The following MARCHF11 variants were observed in gnomAD, a reference collection of about 807,000 sequenced individuals.
MARCHF11 encodes membrane associated ring-CH-type finger 11, also known as E3 ubiquitin-protein ligase MARCHF11.
MARCHF11 carries 29 observed loss-of-function variants against 37.3 expected under a neutral mutation model. The ratio of observed to expected loss-of-function variants is 0.78; its 90% confidence interval spans 0.58 to 1.06. The LOEUF is 1.06. MARCHF11 is among the 50% of genes least tolerant of loss of function. The pLI is 0.00. For missense variants in MARCHF11, 482 were observed against 533.4 expected (o/e 0.90, Z 0.95); for synonymous variants, 233 against 228.0 (o/e 1.02, Z -0.20).
intron 2 of MARCHF11, among the ~76,000 whole-genome samples, chr5:16,101,086 A>G (rs1288298331): frequency 1.3e-5 from 2 of 151,956 alleles, no homozygotes; most frequent in Non-Finnish European, 1.5e-5. Flanking sequence ...AAAAAAAAAG[A>G]ATATTTATTC....
intron 2 of MARCHF11, among the ~76,000 whole-genome samples, chr5:16,101,354 C>A (rs553602126): frequency 1.4e-4 from 21 of 152,106 alleles, no homozygotes; most frequent in Non-Finnish European, 2.8e-4. Context: ...CCAGCCTGGG[C>A]AACAGAGCGA....
At chr5:16,134,998 T>TCTCACACACACACA (rs137865822) in intron 2 of MARCHF11, among the ~76,000 whole-genome samples, 27 of 143,804 alleles carry the variant, frequency 1.9e-4, no homozygotes, top group African/African-American at 6.9e-4. Flanking sequence ...TCTCTCTCTC[T>TCTCACACACACACA]CACACACACA....
chr5:16,090,751 C>A, intron 3 of MARCHF11, 138 bp downstream of exon 3: 1 of 603,528 alleles, frequency 1.7e-6, no homozygotes, highest in Non-Finnish European at 2.5e-6. Flanking sequence ...CCAATTGTGA[C>A]CCGCAGCTAA....
intron 2 of MARCHF11, among the ~76,000 whole-genome samples, chr5:16,121,379 A>G (rs1233798234): frequency 6.6e-6 from 1 of 152,198 alleles, no homozygotes; most frequent in East Asian, 1.9e-4. Context: ...CTTTCGTTTT[A>G]TTCATCCCTA....
chr5:16,138,137 C>A (rs1280559623), intron 2 of MARCHF11, among the ~76,000 whole-genome samples: 1 of 152,168 alleles, frequency 6.6e-6, no homozygotes, highest in Non-Finnish European at 1.5e-5. Context: ...GGGAAAATGT[C>A]TCCAGGGCAT....
At chr5:16,078,527 G>C (rs1336489343) in intron 3 of MARCHF11, among the ~76,000 whole-genome samples, 1 of 152,056 alleles carries the variant, frequency 6.6e-6, no homozygotes, top group African/African-American at 2.4e-5. Flanking sequence ...TGGTGCCCAC[G>C]GTTCCACATC....
At chr5:16,073,640 C>G (rs1736471631) in intron 3 of MARCHF11, among the ~76,000 whole-genome samples, 1 of 150,176 alleles carries the variant, frequency 6.7e-6, no homozygotes, top group Admixed American at 6.6e-5. Flanking sequence ...AATATATTTG[C>G]AAAATATGCA....
At chr5:16,154,188 G>GT (rs1737931481) in intron 2 of MARCHF11, among the ~76,000 whole-genome samples, 1 of 151,926 alleles carries the variant, frequency 6.6e-6, no homozygotes, top group African/African-American at 2.4e-5. Context: ...GGAGAGTGAT[G>GT]CCAGGGGTTT....
chr5:16,139,395 A>C (rs1405678699), intron 2 of MARCHF11, among the ~76,000 whole-genome samples: 1 of 152,190 alleles, frequency 6.6e-6, no homozygotes, highest in African/African-American at 2.4e-5. Flanking sequence ...AGTCATGTGA[A>C]ACTGTAAGTC....
chr5:16,069,976 C>T (rs1423199487), intron 3 of MARCHF11, among the ~76,000 whole-genome samples: 3 of 152,064 alleles, frequency 2.0e-5, no homozygotes, highest in Admixed American at 6.6e-5. Context: ...ATATAGGCTA[C>T]AAAAAATGCA....
intron 2 of MARCHF11, among the ~76,000 whole-genome samples, chr5:16,171,451 C>T (rs1391324107): frequency 6.6e-6 from 1 of 151,928 alleles, no homozygotes; most frequent in Non-Finnish European, 1.5e-5. Flanking sequence ...CTGAGTGAAC[C>T]CAGCTCGCTA....
intron 2 of MARCHF11, among the ~76,000 whole-genome samples, chr5:16,172,114 G>A (rs1738277229): frequency 6.6e-6 from 1 of 152,140 alleles, no homozygotes; most frequent in African/African-American, 2.4e-5. Flanking sequence ...CAGTGTTTCA[G>A]AACCATCTGG....
chr5:16,139,784 C>T (rs1256013008), intron 2 of MARCHF11, among the ~76,000 whole-genome samples: 2 of 151,908 alleles, frequency 1.3e-5, no homozygotes, highest in African/African-American at 4.8e-5. Context: ...TCTTTCCTGA[C>T]AAAGAATGAT....
chr5:16,169,199 A>G (rs1202956217), intron 2 of MARCHF11, among the ~76,000 whole-genome samples: 1 of 152,046 alleles, frequency 6.6e-6, no homozygotes, highest in Non-Finnish European at 1.5e-5. Flanking sequence ...CAATCACAAG[A>G]CCATATCAAA....
At chr5:16,069,905 G>C (rs1453341589) in intron 3 of MARCHF11, among the ~76,000 whole-genome samples, 3 of 152,088 alleles carry the variant, frequency 2.0e-5, no homozygotes, top group African/African-American at 7.2e-5. Flanking sequence ...CTTAAGTTTT[G>C]CATTGGTCCC....
chr5:16,166,956 GTACAACGATGTTCATTTACTTATGAACA>G (rs36218722), intron 2 of MARCHF11, among the ~76,000 whole-genome samples: 131,033 of 142,824 alleles, frequency 0.92, 61,043 homozygotes, highest in East Asian at 1. Context: ...TGTGAGGAAC[GTACAACGATGTTCATTTACTTATGAACA>G]TACAACGATG....
intron 2 of MARCHF11, among the ~76,000 whole-genome samples, chr5:16,126,202 G>T (rs899681058): frequency 7.9e-5 from 12 of 152,198 alleles, no homozygotes; most frequent in African/African-American, 2.6e-4. Flanking sequence ...AACTACAAAT[G>T]GTTTTAAGCT....
At chr5:16,085,949 A>G (rs1231678535) in intron 3 of MARCHF11, among the ~76,000 whole-genome samples, 1 of 57,522 alleles carries the variant, frequency 1.7e-5, no homozygotes, top group Non-Finnish European at 3.1e-5. Context: ...CAAAAAAAAA[A>G]AAAAAAAAAA....
At chr5:16,169,117 T>C (rs1290883662) in intron 2 of MARCHF11, among the ~76,000 whole-genome samples, 7 of 152,070 alleles carry the variant, frequency 4.6e-5, no homozygotes, top group African/African-American at 1.7e-4. Context: ...TCTGAAACAA[T>C]TCTTCATTCA....
Sources: allele counts gnomAD v4.1 joint callset (sites outside exome capture counted in the v4.1 genomes callset), GRCh38; gene constraint gnomAD v4.1.1; transcripts MANE v1.5; gene names NCBI Gene and HGNC (gene_info 2026-07-23, HGNC 2026-07-21).